The following SH3BGR variants were observed in gnomAD, a reference collection of about 807,000 sequenced individuals.
SH3BGR encodes the protein SH3 domain binding glutamate rich protein.
Under a neutral mutation model 24.5 loss-of-function variants are expected in SH3BGR, and 29 were observed. The ratio of observed to expected loss-of-function variants is 1.18; its 90% CI spans 0.88 to 1.61. The LOEUF (loss-of-function observed/expected upper bound fraction) is 1.61, where lower values mean the gene tolerates loss of function less well. SH3BGR is among the 40% of genes most tolerant of loss of function. SH3BGR has a pLI of 0.00. For missense variants in SH3BGR, 162 were observed against 205.8 expected, an observed-to-expected ratio of 0.79 and a Z score of 1.30; for synonymous variants, 55 against 65.7, an observed-to-expected ratio of 0.84 and a Z score of 0.79.
rs765466073 is a variant in SH3BGR, at chr21:39,499,914, A to G, written c.404A>G (p.Asn135Ser). The part of the protein sequence containing the change: ...VGNLPEAQEK[N>S]EEEGETATEE... ...AACCTCCCTGAAGCCCAGGAGAAGA[A>G]TGTGAGTTTTCGCTTTTTCACAGCA... The change falls in exon 4 of 7, where the codon AAT becomes AGT. Residue 135 changes from asparagine (N) to serine (S), a missense_variant and splice_region_variant. Physicochemically the swap from Asn to Ser is conservative, Grantham distance 46 (BLOSUM62 1). Coordinates refer to ENST00000333634, the MANE Select transcript of SH3BGR (RefSeq NM_007341.3). The G allele has an allele frequency of 6.2e-7, 1 of 1,610,444 alleles. No homozygotes were observed. The highest frequency in any genetic ancestry group is 1.7e-5 in the Admixed American group (1 of 59,948).
chr21:39,476,293 TGAGA>T (rs1446636442), intron 3 of SH3BGR, among the ~76,000 whole-genome samples: 1 of 152,072 alleles, frequency 6.6e-6, no homozygotes, highest in Non-Finnish European at 1.5e-5. Context: ...CAAATGCGGC[TGAGA>T]GATTGAGTCA....
chr21:39,510,480 C>CACACA (rs1569178203), intron 5 of SH3BGR, among the ~76,000 whole-genome samples: 6 of 143,848 alleles, frequency 4.2e-5, no homozygotes, highest in African/African-American at 7.9e-5. Flanking sequence ...CACACACACA[C>CACACA]CCCATCAATT....
At chr21:39,494,555 G>C (rs1007640292) in intron 3 of SH3BGR, among the ~76,000 whole-genome samples, 2 of 151,896 alleles carry the variant, frequency 1.3e-5, no homozygotes, top group Middle Eastern at 3.4e-3. Flanking sequence ...TCTGTCTTCT[G>C]ATCTCCATAG....
upstream of SH3BGR, among the ~76,000 whole-genome samples, chr21:39,451,507 A>T (rs75751409): frequency 0.18 from 28,019 of 152,108 alleles, 2,718 homozygotes; most frequent in Middle Eastern, 0.27. Context: ...TACTTAAAAA[A>T]TTTTTTTTAA....
At chr21:39,447,309 G>C (rs1343377496), upstream of SH3BGR, among the ~76,000 whole-genome samples, 2 of 151,482 alleles carry the variant, frequency 1.3e-5, no homozygotes, top group East Asian at 1.9e-4. Context: ...GAAAGGTAGA[G>C]TTTCCTGAGA....
rs1355529425 is a variant in SH3BGR at position 39,509,989 on chromosome 21, C to A, written c.435+962C>A. On this transcript the variant is annotated intron_variant, in intron 5 of 6. Coordinates refer to ENST00000333634, the MANE Select transcript of SH3BGR (RefSeq NM_007341.3). ...ACGGAGTCCCGCTGTTTAGCCCAGG[C>A]CGGATTGCAGTGGCGCAATCTCGGC... Among the ~76,000 whole-genome samples the A allele has an allele frequency of 2.4e-5, 3 of 127,238 alleles. 1 individual carries two copies. Among genetic ancestry groups the A allele is most frequent in the African/African-American group, 7.1e-5 (2 of 28,244 alleles). The allele number at this position is 127,238 out of a possible 152,430, so 83.5% of individuals were successfully genotyped here. A position where few individuals can be genotyped will look rare whatever the true frequency, so the allele number is the denominator to read the frequency against.
At chr21:39,476,289 C>G (rs562126316) in intron 3 of SH3BGR, among the ~76,000 whole-genome samples, 1 of 151,988 alleles carries the variant, frequency 6.6e-6, no homozygotes, top group African/African-American at 2.4e-5. Context: ...GTGACAAATG[C>G]GGCTGAGAGA....
chr21:39,515,105 G>A lies in SH3BGR; in HGVS notation c.*52G>A, dbSNP rs1602194086. ...TCTTTTAGAAAATGGAAGCTATGAAGCAACATTTCAAATGTCTCTCCACAA... is the reference window on the plus strand; with the variant it reads ...TCTTTTAGAAAATGGAAGCTATGAAACAACATTTCAAATGTCTCTCCACAA... On this transcript the variant is annotated 3_prime_UTR_variant, in exon 7 of 7. Coordinates refer to ENST00000333634, the MANE Select transcript of SH3BGR (RefSeq NM_007341.3). 4.3e-6 allele frequency: 2 copies of A among 470,146 alleles called. No individual in the cohort carries two copies. Among genetic ancestry groups the A allele is most frequent in the Non-Finnish European group, 8.8e-6 (2 of 226,548 alleles). 29.1% of individuals were successfully genotyped at this position (470,146 alleles called of 1,614,324 possible).
chr21:39,458,258 A>G (rs1415492531), intron 1 of SH3BGR, among the ~76,000 whole-genome samples: 1 of 152,218 alleles, frequency 6.6e-6, no homozygotes, highest in Non-Finnish European at 1.5e-5. Context: ...TATTCTATTC[A>G]GAAGACTTTT....
intron 6 of SH3BGR, among the ~76,000 whole-genome samples, chr21:39,513,754 T>C (rs757441393): frequency 3.3e-5 from 5 of 152,112 alleles, no homozygotes; most frequent in Admixed American, 1.3e-4. Context: ...AATGAAAATA[T>C]GATTATATTT....
chr21:39,485,509 G>A (rs973136704), intron 3 of SH3BGR, among the ~76,000 whole-genome samples: 3 of 152,028 alleles, frequency 2.0e-5, no homozygotes, highest in Non-Finnish European at 4.4e-5. Context: ...AACATCAACA[G>A]TATTCCAGAC....
At chr21:39,474,919 G>A (rs916166970) in intron 2 of SH3BGR, among the ~76,000 whole-genome samples, 1 of 151,818 alleles carries the variant, frequency 6.6e-6, no homozygotes, top group Non-Finnish European at 1.5e-5. Context: ...TCTTGCTGTG[G>A]TATACAAGCA....
intron 3 of SH3BGR, among the ~76,000 whole-genome samples, chr21:39,482,745 C>G (rs563454959): frequency 6.6e-6 from 1 of 152,258 alleles, no homozygotes; most frequent in South Asian, 2.1e-4. Flanking sequence ...TCTCAGCTCA[C>G]TGCGACCTCT....
intron 2 of SH3BGR, among the ~76,000 whole-genome samples, chr21:39,469,312 AT>A (rs551958647): frequency 3.2e-4 from 45 of 138,478 alleles, no homozygotes; most frequent in Admixed American, 5.7e-4. Flanking sequence ...GTCTTCTCTG[AT>A]TTTTTTTTTT....
intron 5 of SH3BGR, among the ~76,000 whole-genome samples, chr21:39,509,345 C>T (rs957863695): frequency 4.6e-5 from 7 of 152,108 alleles, no homozygotes; most frequent in African/African-American, 1.7e-4. Flanking sequence ...TGCTCCTCGT[C>T]CTTTTCCACC....
At chr21:39,479,449 G>A (rs1374729938) in intron 3 of SH3BGR, among the ~76,000 whole-genome samples, 4 of 151,672 alleles carry the variant, frequency 2.6e-5, no homozygotes, top group Admixed American at 6.6e-5. Context: ...TGGTGGTGAT[G>A]GTAGTGGTGG....
Position 39,484,755 on chromosome 21 carries a change from C to T in SH3BGR, c.312+9540C>T, listed in dbSNP as rs149708941. ...AACCCCGCTAATTAGCAGTACAGTTCGTGCTAGAGCCTTTGGTGCTGTCAG... is the reference window on the plus strand; with the variant it reads ...AACCCCGCTAATTAGCAGTACAGTTTGTGCTAGAGCCTTTGGTGCTGTCAG... On this transcript the variant is annotated intron_variant, in intron 3 of 6. Coordinates refer to ENST00000333634, the MANE Select transcript of SH3BGR (RefSeq NM_007341.3). Among the ~76,000 whole-genome samples, 6 of 152,296 alleles carry T rather than the reference C, an allele frequency of 3.9e-5. No homozygotes were observed. The East Asian group carries it at 5.8e-4, about 15-fold the overall frequency.
chr21:39,460,285 C>G (rs546455152), intron 1 of SH3BGR, among the ~76,000 whole-genome samples: 1 of 151,994 alleles, frequency 6.6e-6, no homozygotes, highest in Non-Finnish European at 1.5e-5. Context: ...CTGCTTGTGC[C>G]CTTCCCCTCC....
chr21:39,499,264 ATCTG>A (rs895383913), intron 3 of SH3BGR, among the ~76,000 whole-genome samples: 5 of 150,966 alleles, frequency 3.3e-5, no homozygotes, highest in Non-Finnish European at 7.4e-5. Context: ...TCATCTGTCT[ATCTG>A]TCTATCTATC....
Sources: gnomAD v4.1 joint callset for allele counts (sites outside exome capture counted in the v4.1 genomes callset) on GRCh38, gnomAD v4.1.1 for gene constraint, MANE v1.5 for transcripts, NCBI Gene and HGNC (gene_info 2026-07-23, HGNC 2026-07-21) for gene names.